UBE2E2: variants seen among roughly 807,000 people sequenced by gnomAD.
UBE2E2 encodes ubiquitin conjugating enzyme E2 E2, also known as ubiquitin-conjugating enzyme E2 E2.
In UBE2E2, 6 loss-of-function variants were observed where a neutral mutation model predicts 24.7. The observed-to-expected ratio is 0.24, with a 90% CI of 0.13 to 0.48. UBE2E2 has a LOEUF of 0.48. UBE2E2 is among the 20% of genes least tolerant of loss of function. UBE2E2 has a pLI of 0.99. For missense variants in UBE2E2, 169 were observed against 245.0 expected (o/e 0.69, Z 2.07); for synonymous variants, 104 against 83.6 (o/e 1.24, Z -1.33).
At chr3:23,296,025 G>A (rs577821692) in intron 3 of UBE2E2, among the ~76,000 whole-genome samples, 2 of 152,240 alleles carry the variant, frequency 1.3e-5, no homozygotes, top group South Asian at 4.1e-4. Flanking sequence ...AGCTCTCATA[G>A]CTTCAAACAT....
At chr3:23,401,377 C>A (rs992541362) in intron 3 of UBE2E2, among the ~76,000 whole-genome samples, 3 of 152,198 alleles carry the variant, frequency 2.0e-5, no homozygotes, top group African/African-American at 4.8e-5. Flanking sequence ...AAGCACATTA[C>A]CTTACAATCT....
At chr3:23,363,242 C>G (rs1460228991) in intron 3 of UBE2E2, among the ~76,000 whole-genome samples, 1 of 152,298 alleles carries the variant, frequency 6.6e-6, no homozygotes, top group East Asian at 1.9e-4. Flanking sequence ...GCAACACAAT[C>G]AAGTCTGTGT....
At chr3:23,382,244 C>G (rs1696690556) in intron 3 of UBE2E2, among the ~76,000 whole-genome samples, 1 of 133,260 alleles carries the variant, frequency 7.5e-6, no homozygotes, top group Admixed American at 9.6e-5. Context: ...TGCAGTGGCG[C>G]AATCTCGGCT....
At chr3:23,380,176 G>T (rs1300580545) in intron 3 of UBE2E2, among the ~76,000 whole-genome samples, 1 of 150,078 alleles carries the variant, frequency 6.7e-6, no homozygotes, top group Non-Finnish European at 1.5e-5. Context: ...TACTCTTGTG[G>T]TAGTGACTAA....
intron 3 of UBE2E2, among the ~76,000 whole-genome samples, chr3:23,348,043 C>A (rs556959047): frequency 2.6e-5 from 4 of 152,058 alleles, no homozygotes; most frequent in Non-Finnish European, 5.9e-5. Context: ...CCTGTAAACA[C>A]TGAAGCCTAT....
chr3:23,277,330 CA>C (rs1698394629), intron 3 of UBE2E2, among the ~76,000 whole-genome samples: 1 of 152,116 alleles, frequency 6.6e-6, no homozygotes, highest in African/African-American at 2.4e-5. Flanking sequence ...CGGCTACTGC[CA>C]GATGCTAGAC....
intron 3 of UBE2E2, among the ~76,000 whole-genome samples, chr3:23,348,274 G>C (rs1051430948): frequency 6.6e-6 from 1 of 151,152 alleles, no homozygotes; most frequent in Non-Finnish European, 1.5e-5. Flanking sequence ...ATGGCCACTG[G>C]TGGAATTCTG....
intron 3 of UBE2E2, among the ~76,000 whole-genome samples, chr3:23,353,266 C>T (rs976690800): frequency 2.6e-5 from 4 of 152,000 alleles, no homozygotes; most frequent in East Asian, 1.9e-4. Flanking sequence ...ATGACAAACC[C>T]ACAGCCAATA....
intron 3 of UBE2E2, among the ~76,000 whole-genome samples, chr3:23,374,352 T>G (rs532026808): frequency 2.0e-5 from 3 of 152,214 alleles, no homozygotes; most frequent in Non-Finnish European, 4.4e-5. Flanking sequence ...AAAGACAGAT[T>G]ATGTAAATTA....
rs1257367666 is a variant in UBE2E2, at chr3:23,590,952, C to T, written c.*1121C>T. ...TCAAAATTGTTACAGTGATTGCCCT[C>T]AAGCTTTGTATTGTTCATTTTTGTT... On this transcript the variant is annotated 3_prime_UTR_variant, in exon 6 of 6. Transcript: ENST00000396703. 6.6e-6 allele frequency: 1 copy of T among 152,180 alleles called. No homozygotes were observed. The highest frequency in any genetic ancestry group is 1.5e-5 in the Non-Finnish European group (1 of 68,042). The allele number at this position is 152,180 out of a possible 1,614,324, so 9.4% of individuals were successfully genotyped here. A position where few individuals can be genotyped will look rare whatever the true frequency, so the allele number is the denominator to read the frequency against.
At chr3:23,330,746 A>G (rs1285452118) in intron 3 of UBE2E2, among the ~76,000 whole-genome samples, 2 of 152,346 alleles carry the variant, frequency 1.3e-5, no homozygotes, top group East Asian at 1.9e-4. Context: ...TTTTGTTTGC[A>G]TAGTTGCATT....
intron 3 of UBE2E2, among the ~76,000 whole-genome samples, chr3:23,224,963 T>G (rs1696777822): frequency 6.9e-6 from 1 of 145,056 alleles, no homozygotes; most frequent in Non-Finnish European, 1.5e-5. Flanking sequence ...ATGTTGTCCT[T>G]TTTTTTTTTT....
intron 3 of UBE2E2, among the ~76,000 whole-genome samples, chr3:23,396,209 T>G (rs1232239663): frequency 6.6e-6 from 1 of 150,694 alleles, no homozygotes; most frequent in Non-Finnish European, 1.5e-5. Flanking sequence ...TTGTAAACAT[T>G]TCCAGAAGAT....
chr3:23,535,268 TG>T (rs1177763386), intron 5 of UBE2E2, among the ~76,000 whole-genome samples: 7 of 152,202 alleles, frequency 4.6e-5, no homozygotes, highest in African/African-American at 1.7e-4. Context: ...CATTTATAAA[TG>T]GTAATGTGTT....
chr3:23,484,849 A>C (rs935730150), intron 3 of UBE2E2, among the ~76,000 whole-genome samples: 4 of 152,164 alleles, frequency 2.6e-5, no homozygotes, highest in African/African-American at 7.2e-5. Flanking sequence ...TCAGGAGAAC[A>C]GAATGGGAAA....
intron 5 of UBE2E2, among the ~76,000 whole-genome samples, chr3:23,562,472 A>G (rs1311326854): frequency 1.3e-5 from 2 of 152,140 alleles, no homozygotes; most frequent in African/African-American, 4.8e-5. Flanking sequence ...TCGGTTTGCC[A>G]GTATTTTATT....
intron 3 of UBE2E2, among the ~76,000 whole-genome samples, chr3:23,397,367 A>G (rs1055533162): frequency 3.3e-5 from 5 of 151,660 alleles, no homozygotes; most frequent in Non-Finnish European, 7.4e-5. Flanking sequence ...CTTTTGAACA[A>G]TTTTGAAAAT....
At position 23,533,622 on chromosome 3, in the gene UBE2E2, T is replaced by TC. The variant is rs1274636002; in HGVS notation, c.508+921_508+922insC. On this transcript the variant is annotated intron_variant, in intron 5 of 5. Transcript: ENST00000396703. ...TTTTTTAAAGTAGCAAATTAGTATTTTTTTTTTTTTTTTTTTTTTGAAACT... is the reference window on the plus strand; with the variant it reads ...TTTTTTAAAGTAGCAAATTAGTATTTCTTTTTTTTTTTTTTTTTTTGAAACT... 6.0e-4 allele frequency among the ~76,000 whole-genome samples: 86 copies of TC among 143,896 alleles called. 1 individual carries two copies. The East Asian group carries it at 0.015, about 25-fold the overall frequency. The allele number at this position is 143,896 out of a possible 152,430, so 94.4% of individuals were successfully genotyped here.
intron 3 of UBE2E2, among the ~76,000 whole-genome samples, chr3:23,278,139 T>C (rs1015024914): frequency 6.6e-6 from 1 of 152,086 alleles, no homozygotes; most frequent in African/African-American, 2.4e-5. Context: ...AGAGAATAAC[T>C]GCTTTTCAGA....
Sources: gnomAD v4.1 joint callset for allele counts (sites outside exome capture counted in the v4.1 genomes callset) on GRCh38, gnomAD v4.1.1 for gene constraint, MANE v1.5 for transcripts, NCBI Gene and HGNC (gene_info 2026-07-23, HGNC 2026-07-21) for gene names.